PTPRG: variants seen among roughly 807,000 people sequenced by gnomAD.
PTPRG encodes receptor-type tyrosine-protein phosphatase gamma.
PTPRG carries 102 observed loss-of-function variants against 165.3 expected under a neutral mutation model. The ratio of observed to expected loss-of-function variants is 0.62; its 90% CI spans 0.53 to 0.73. The LOEUF (loss-of-function observed/expected upper bound fraction) is 0.73. Among genes scored for constraint, PTPRG ranks in the 30% least tolerant of loss-of-function variants. The pLI is 0.00. For synonymous variants in PTPRG, 675 were observed against 669.5 expected (o/e 1.01, Z -0.13); for missense variants, 1,866 against 1,861.4 (o/e 1.00, Z -0.05).
chr3:61,990,704 G>A (rs42419), intron 3 of PTPRG, among the ~76,000 whole-genome samples: 145,519 of 152,270 alleles, frequency 0.96, 69,626 homozygotes, highest in African/African-American at 0.99. Flanking sequence ...AACTACTTAT[G>A]ACTTTGGCCC....
chr3:62,058,389 T>A (rs1416161637), intron 4 of PTPRG, among the ~76,000 whole-genome samples: 1 of 152,138 alleles, frequency 6.6e-6, no homozygotes, highest in Non-Finnish European at 1.5e-5. Flanking sequence ...CAGGGTTGTC[T>A]GAAACGCCTA....
intron 1 of PTPRG, among the ~76,000 whole-genome samples, chr3:61,740,745 C>T (rs539969306): frequency 1.3e-5 from 2 of 151,972 alleles, no homozygotes; most frequent in South Asian, 4.2e-4. Context: ...CTTTATTTTA[C>T]TTAAAAAACA....
chr3:61,586,430 C>T (rs569816035), intron 1 of PTPRG, among the ~76,000 whole-genome samples: 1 of 152,334 alleles, frequency 6.6e-6, no homozygotes, highest in East Asian at 1.9e-4. Context: ...AGCACCTTCC[C>T]AGTGCAGGGG....
intron 6 of PTPRG, among the ~76,000 whole-genome samples, chr3:62,152,175 G>C (rs1328210399): frequency 6.6e-6 from 1 of 151,830 alleles, no homozygotes. Flanking sequence ...GGACCAGCTT[G>C]GGCAACACAG....
chr3:61,657,953 G>A (rs1029867629), intron 1 of PTPRG, among the ~76,000 whole-genome samples: 1 of 152,068 alleles, frequency 6.6e-6, no homozygotes, highest in African/African-American at 2.4e-5. Flanking sequence ...GTGCTGCTGT[G>A]GGTGACATGA....
chr3:62,192,065 CTCCTCT>C (rs1248409083), intron 9 of PTPRG, among the ~76,000 whole-genome samples: 1 of 152,076 alleles, frequency 6.6e-6, no homozygotes, highest in Non-Finnish European at 1.5e-5. Context: ...TACGATCATT[CTCCTCT>C]TCCTCTTCCC....
At chr3:61,963,069 C>T (rs571433226) in intron 2 of PTPRG, among the ~76,000 whole-genome samples, 1 of 152,036 alleles carries the variant, frequency 6.6e-6, no homozygotes, top group Non-Finnish European at 1.5e-5. Flanking sequence ...TTCGTTTATC[C>T]TTCCAGGGTT....
chr3:61,789,873 C>G (rs548209609), intron 2 of PTPRG, among the ~76,000 whole-genome samples: 1 of 152,182 alleles, frequency 6.6e-6, no homozygotes, highest in Admixed American at 6.5e-5. Flanking sequence ...AAACCTAGTC[C>G]TCTAATCTGG....
At chr3:61,772,334 G>A (rs1290539403) in intron 2 of PTPRG, among the ~76,000 whole-genome samples, 3 of 152,030 alleles carry the variant, frequency 2.0e-5, no homozygotes, top group Non-Finnish European at 4.4e-5. Context: ...TCATGGTGAT[G>A]TGTGTATAGG....
intron 2 of PTPRG, among the ~76,000 whole-genome samples, chr3:61,869,039 C>T (rs556582758): frequency 7.2e-5 from 11 of 151,880 alleles, no homozygotes; most frequent in South Asian, 4.2e-4. Flanking sequence ...ATTAGGAGGA[C>T]GGCATTTCAC....
intron 5 of PTPRG, among the ~76,000 whole-genome samples, chr3:62,100,749 C>T (rs1426228696): frequency 1.3e-5 from 2 of 152,184 alleles, no homozygotes; most frequent in Non-Finnish European, 2.9e-5. Context: ...TTATGGAATA[C>T]GTAGCAGGAG....
intron 1 of PTPRG, among the ~76,000 whole-genome samples, chr3:61,708,341 G>A (rs984627161): frequency 6.6e-6 from 1 of 151,782 alleles, no homozygotes; most frequent in African/African-American, 2.4e-5. Flanking sequence ...AGTGTCTCAG[G>A]AGCATGAGGA....
intron 16 of PTPRG, among the ~76,000 whole-genome samples, chr3:62,259,611 T>G (rs1488842133): frequency 6.6e-6 from 1 of 152,158 alleles, no homozygotes; most frequent in South Asian, 2.1e-4. Context: ...GGTTATGAGG[T>G]AAATCACAGT....
chr3:61,687,680 G>A (rs1348506072), intron 1 of PTPRG, among the ~76,000 whole-genome samples: 2 of 152,224 alleles, frequency 1.3e-5, no homozygotes, highest in East Asian at 3.8e-4. Flanking sequence ...TGGCTTTGTT[G>A]ATCATGGAAA....
At chr3:61,636,190 T>C (rs1394609826) in intron 1 of PTPRG, among the ~76,000 whole-genome samples, 1 of 152,222 alleles carries the variant, frequency 6.6e-6, no homozygotes, top group African/African-American at 2.4e-5. Context: ...GTGACAGCTT[T>C]ATTGAGATAG....
intron 1 of PTPRG, among the ~76,000 whole-genome samples, chr3:61,581,417 C>G (rs1700290406): frequency 6.6e-6 from 1 of 152,130 alleles, no homozygotes; most frequent in Non-Finnish European, 1.5e-5. Flanking sequence ...TTCATGGCAT[C>G]CTTTTCCCCA....
At chr3:62,143,310 T>C (rs1703997629) in intron 6 of PTPRG, among the ~76,000 whole-genome samples, 1 of 152,186 alleles carries the variant, frequency 6.6e-6, no homozygotes, top group South Asian at 2.1e-4. Context: ...GGACAAATTC[T>C]AGAACAAGCG....
chr3:61,773,619 G>A (rs1392286343), intron 2 of PTPRG, among the ~76,000 whole-genome samples: 1 of 152,062 alleles, frequency 6.6e-6, no homozygotes, highest in Non-Finnish European at 1.5e-5. Flanking sequence ...TATGATTACT[G>A]CTGTTATTAT....
chr3:62,047,767 C>T (rs933344894), intron 4 of PTPRG, among the ~76,000 whole-genome samples: 2 of 152,154 alleles, frequency 1.3e-5, no homozygotes, highest in Non-Finnish European at 2.9e-5. Context: ...CCCCTTCGTC[C>T]TAGATATAAA....
Sources: allele counts gnomAD v4.1 joint callset (sites outside exome capture counted in the v4.1 genomes callset), GRCh38; gene constraint gnomAD v4.1.1; transcripts MANE v1.5; gene names NCBI Gene and HGNC (gene_info 2026-07-23, HGNC 2026-07-21).